PCDHA7: variants seen among roughly 807,000 people sequenced by gnomAD.
PCDHA7 encodes protocadherin alpha-7.
Under a neutral mutation model 57.2 loss-of-function variants are expected in PCDHA7, and 37 were observed. The ratio of observed to expected loss-of-function variants is 0.65; its 90% CI spans 0.50 to 0.85. PCDHA7 has a LOEUF of 0.85. Among genes scored for constraint, PCDHA7 ranks in the 40% least tolerant of loss-of-function variants. PCDHA7 has a pLI of 0.00. For synonymous variants in PCDHA7, 553 were observed against 558.8 expected (o/e 0.99, Z 0.15); for missense variants, 1,188 against 1,241.8 (o/e 0.96, Z 0.65).
chr5:140,954,845 C>G (rs1479368081), intron 1 of PCDHA7, among the ~76,000 whole-genome samples: 2 of 152,140 alleles, frequency 1.3e-5, no homozygotes, highest in African/African-American at 2.4e-5. Flanking sequence ...AAATCTTTGC[C>G]TGTGCCTATG....
chr5:140,925,499 T>C (rs2082524680), intron 1 of PCDHA7, among the ~76,000 whole-genome samples: 1 of 152,018 alleles, frequency 6.6e-6, no homozygotes, highest in African/African-American at 2.4e-5. Flanking sequence ...ACTGTCCCAA[T>C]ATCCACGCAA....
Position 140,834,498 on chromosome 5 carries a change from G to A in PCDHA7, c.115G>A (p.Ala39Thr), listed in dbSNP as rs2150219814. ...GQLHYSVPEE[A>T]KHGNFVGRIA... ...GCTCCACTACTCGGTCCCCGAGGAG[G>A]CTAAACATGGCAACTTCGTGGGCCG... Residue 39 changes from alanine (A) to threonine (T), a missense_variant, in exon 1 of 4, where the codon GCT becomes ACT. Physicochemically the swap from Ala to Thr is moderately conservative, Grantham distance 58 (BLOSUM62 0). This residue lies in a region of PCDHA7 where 194 missense variants were observed against 185.8 expected (regional missense o/e 1.04). Transcript: ENST00000525929. 1 of 1,614,130 alleles carries A rather than the reference G, an allele frequency of 6.2e-7. No individual in the cohort carries two copies. Among genetic ancestry groups the A allele is most frequent in the East Asian group, 2.2e-5 (1 of 44,886 alleles).
At chr5:140,938,631 T>C (rs1554212262) in intron 1 of PCDHA7, among the ~76,000 whole-genome samples, 1 of 152,208 alleles carries the variant, frequency 6.6e-6, no homozygotes. Context: ...AGGTTGCTTA[T>C]GATGTATAAT....
chr5:140,961,887 G>GTT (rs35680913), intron 1 of PCDHA7, among the ~76,000 whole-genome samples: 78 of 143,932 alleles, frequency 5.4e-4, no homozygotes, highest in African/African-American at 1.2e-3. Flanking sequence ...ACTTACATCA[G>GTT]TTTTTTTTTT....
chr5:140,926,756 G>T, intron 1 of PCDHA7: 1 of 1,289,704 alleles, frequency 7.8e-7, no homozygotes, highest in South Asian at 2.2e-5. Context: ...GGCGGTCGCT[G>T]AGTATCCAGC....
chr5:140,977,839 C>G (rs1400370638), intron 1 of PCDHA7, among the ~76,000 whole-genome samples: 1 of 152,176 alleles, frequency 6.6e-6, no homozygotes, highest in South Asian at 2.1e-4. Context: ...ATTGATATTA[C>G]TATGGCTTTG....
chr5:140,943,751 TAGG>T (rs1284418706), intron 1 of PCDHA7, among the ~76,000 whole-genome samples: 1 of 152,048 alleles, frequency 6.6e-6, no homozygotes, highest in Non-Finnish European at 1.5e-5. Flanking sequence ...CTAAAAGCAG[TAGG>T]AGATGTAGGA....
chr5:140,842,916 A>G, intron 1 of PCDHA7: 1 of 1,594,694 alleles, frequency 6.3e-7, no homozygotes, highest in South Asian at 1.1e-5. Context: ...GAGCTGCTGC[A>G]GTTCCAGGTG....
intron 1 of PCDHA7, among the ~76,000 whole-genome samples, chr5:140,837,930 T>G (rs1775322369): frequency 6.6e-6 from 1 of 151,780 alleles, no homozygotes. Flanking sequence ...CCTCCTACCT[T>G]GGCCTCCCAA....
chr5:140,880,736 T>C (rs1554171410), intron 1 of PCDHA7, among the ~76,000 whole-genome samples: 4 of 152,068 alleles, frequency 2.6e-5, no homozygotes, highest in Non-Finnish European at 5.9e-5. Context: ...ATAGAGAAAA[T>C]GGATTGTCAG....
At position 140,968,456 on chromosome 5, in the gene PCDHA7, A is replaced by G. The variant is rs782476018; in HGVS notation, c.2356-10493A>G. ...GAGCCCACCACTGAGCAGCACTGTG[A>G]CTGCCAACGTATATGTGGTGGACAT... On this transcript the variant is annotated intron_variant, in intron 1 of 3. Transcript: ENST00000525929. 82 of 1,613,964 alleles carry G rather than the reference A, an allele frequency of 5.1e-5. No individual in the cohort carries two copies. Among genetic ancestry groups the G allele is most frequent in the Non-Finnish European group, 6.2e-5 (73 of 1,180,022 alleles).
At position 140,836,635 on chromosome 5, in the gene PCDHA7, C is replaced by A; in HGVS notation, c.2252C>A (p.Ser751Tyr). 1.2e-6 allele frequency: 2 copies of A among 1,613,444 alleles called. No homozygotes were observed. Among genetic ancestry groups the A allele is most frequent in the Non-Finnish European group, 1.7e-6 (2 of 1,179,634 alleles). ...CSSAVGSWSF[S>Y]QQRRQRVCSG... ...AGCGCGGTGGGGAGCTGGTCATTCT[C>A]CCAGCAGAGGCGGCAGAGGGTGTGC... Residue 751 changes from serine (S) to tyrosine (Y), a missense_variant, in exon 1 of 4, where the codon TCC becomes TAC. Transcript: ENST00000525929.
chr5:141,009,868 G>C lies in PCDHA7; in HGVS notation c.2745G>C (p.Lys915Asn). 1 of 1,614,022 alleles carries C rather than the reference G, an allele frequency of 6.2e-7. No individual in the cohort carries two copies. Among genetic ancestry groups the C allele is most frequent in the Non-Finnish European group, 8.5e-7 (1 of 1,180,004 alleles). Residue 915 changes from lysine (K) to asparagine (N), a missense_variant, in exon 4 of 4, where the codon AAG becomes AAC. Transcript: ENST00000525929. ...AGGAGACCAAGAAAAAGAAGAAAAA[G>C]AAGAAGGGTAACAAGACCCAGGAGA... ...KKEETKKKKKKKKGNKTQEKK... is the reference protein window; with the variant it reads ...KKEETKKKKKNKKGNKTQEKK...
At chr5:140,843,512 G>C (rs2150361484) in intron 1 of PCDHA7, 9 of 1,595,848 alleles carry the variant, frequency 5.6e-6, no homozygotes, top group Non-Finnish European at 7.7e-6. Flanking sequence ...CACTGAGGGC[G>C]GGTGCCGGGC....
chr5:140,869,072 G>T, intron 1 of PCDHA7: 4 of 1,574,396 alleles, frequency 2.5e-6, no homozygotes, highest in Non-Finnish European at 2.6e-6. Flanking sequence ...TAAGTGTAAA[G>T]AAGCTTATTT....
chr5:140,878,273 G>T (rs2057527007), intron 1 of PCDHA7, among the ~76,000 whole-genome samples: 1 of 152,096 alleles, frequency 6.6e-6, no homozygotes, highest in Non-Finnish European at 1.5e-5. Flanking sequence ...TTTTAAAATA[G>T]CCTTCTTGAT....
intron 1 of PCDHA7, chr5:140,875,866 G>T: frequency 6.2e-7 from 1 of 1,614,192 alleles, no homozygotes; most frequent in Non-Finnish European, 8.5e-7. Context: ...CAACCCGCCG[G>T]TGTTCAGAGA....
chr5:140,895,857 G>C (rs1181424868), intron 1 of PCDHA7, among the ~76,000 whole-genome samples: 1 of 152,116 alleles, frequency 6.6e-6, no homozygotes, highest in Admixed American at 6.5e-5. Flanking sequence ...TGTACCCCAG[G>C]CTGGAGTGCA....
Position 140,857,427 on chromosome 5 carries a change from C to A in PCDHA7, c.2355+20689C>A, listed in dbSNP as rs781871079. 21 of 1,598,334 alleles carry A rather than the reference C, an allele frequency of 1.3e-5. 1 individual carries two copies. The highest frequency in any genetic ancestry group is 4.4e-5 in the South Asian group (4 of 90,554). On this transcript the variant is annotated intron_variant, in intron 1 of 3. Transcript: ENST00000525929. ...CCTGCGTTCGCGCAGTCCGAGTACACGGTGTTCGTGAAGGAGAACAACCCG... is the reference window on the plus strand; with the variant it reads ...CCTGCGTTCGCGCAGTCCGAGTACAAGGTGTTCGTGAAGGAGAACAACCCG...
Sources: gnomAD v4.1 joint callset for allele counts (sites outside exome capture counted in the v4.1 genomes callset) on GRCh38, gnomAD v4.1.1 for gene constraint, gnomAD v4.1.1 regional missense constraint, MANE v1.5 for transcripts, NCBI Gene and HGNC (gene_info 2026-07-23, HGNC 2026-07-21) for gene names.